The following AP4B1 variants were observed in gnomAD, a reference collection of about 807,000 sequenced individuals.
The protein encoded by AP4B1 is AP-4 complex subunit beta-1.
In AP4B1, 49 loss-of-function variants were observed where a neutral mutation model predicts 76.5. That is an observed-to-expected ratio of 0.64 (90% CI 0.51 to 0.81). The LOEUF is 0.81. Ranked by LOEUF, AP4B1 falls within the 40% of genes least tolerant of loss-of-function variation. AP4B1 has a pLI of 0.00. For synonymous variants in AP4B1, 330 were observed against 333.3 expected (o/e 0.99, Z 0.11); for missense variants, 911 against 904.9 (o/e 1.01, Z -0.09).
rs745380061 is a variant in AP4B1 at position 113,904,689 on chromosome 1, A to G, written c.29T>C (p.Val10Ala). 6 of 1,612,510 alleles carry G rather than the reference A, an allele frequency of 3.7e-6. No individual in the cohort carries two copies. The South Asian group carries it at 6.6e-5, about 18-fold the overall frequency. MPYLGSEDV[V>A]KELKKALCNP... ...GCACAGAGCCTTCTTCAGCTCCTTC[A>G]CCACGTCCTCGGAGCCAAGGTACGG... Residue 10 changes from valine to alanine, a missense_variant, in exon 1 of 10, where the codon GTG becomes GCG. Val to Ala is a moderately conservative substitution (Grantham distance 64, BLOSUM62 0). Coordinates refer to ENST00000369569, the MANE Select transcript of AP4B1 (RefSeq NM_001253852.3).
In AP4B1 at chr1:113,896,416, G is replaced by A. The variant is rs1425863708; in HGVS notation, c.1352C>T (p.Pro451Leu). The change falls in exon 8 of 10, where the codon CCT (proline) becomes CTT (leucine). Residue 451 changes from proline to leucine, a missense_variant. Pro to Leu is a moderately conservative substitution (Grantham distance 98). Coordinates refer to ENST00000369569, the MANE Select transcript of AP4B1 (RefSeq NM_001253852.3). ...GTCCTCTAACACATAAGGAGCATTAGGAATTCTTTCCCCATGGACACCAAG... is the reference window on the plus strand; with the variant it reads ...GTCCTCTAACACATAAGGAGCATTAAGAATTCTTTCCCCATGGACACCAAG... Reference protein sequence around the residue: ...WLLGVHGERIPNAPYVLEDFV... With the variant: ...WLLGVHGERILNAPYVLEDFV... 1 of 1,614,162 alleles carries A rather than the reference G, an allele frequency of 6.2e-7. No homozygotes were observed. The highest frequency in any genetic ancestry group is 1.7e-5 in the Admixed American group (1 of 60,018).
At position 113,896,345 on chromosome 1, in the gene AP4B1, C is replaced by A; in HGVS notation, c.1423G>T (p.Glu475Ter). ...AGGCGCAGCAAAGCAGTGAGCAGCT[C>A]CATCTTAACAGCTGGAAATGTTTCC... ...KSETFPAVKM[E>*]LLTALLRLFL... The change falls in exon 8 of 10, where the codon GAG (glutamate) becomes TAG (stop). Residue 475 changes from glutamate (E) to a stop codon, truncating the protein, a stop_gained. Coordinates refer to ENST00000369569, the MANE Select transcript of AP4B1 (RefSeq NM_001253852.3). LOFTEE classifies it high-confidence loss of function. 6.2e-7 allele frequency: 1 copy of A among 1,614,222 alleles called. No individual in the cohort carries two copies. Among genetic ancestry groups the A allele is most frequent in the Non-Finnish European group, 8.5e-7 (1 of 1,180,040 alleles).
upstream of AP4B1, chr1:113,904,819 G>A (rs1668769781): frequency 9.6e-7 from 1 of 1,045,710 alleles, no homozygotes; most frequent in African/African-American, 1.6e-5. Flanking sequence ...ATGAGTCAGT[G>A]AAAATACAAA....
intron 2 of AP4B1, chr1:113,902,213 G>A (rs1033267422): frequency 7.5e-6 from 3 of 398,986 alleles, no homozygotes; most frequent in South Asian, 2.1e-5. Context: ...TTAATTTTTT[G>A]TAGATATAGG....
chr1:113,896,881 C>A (rs1177723760), intron 7 of AP4B1: 1 of 227,758 alleles, frequency 4.4e-6, no homozygotes, highest in South Asian at 5.8e-5. Flanking sequence ...CGGTGGCTTA[C>A]GTCTGTAATC....
chr1:113,896,201 T>C, intron 8 of AP4B1, 57 bp downstream of exon 8: 3 of 1,606,946 alleles, frequency 1.9e-6, no homozygotes, highest in Non-Finnish European at 1.7e-6. Context: ...CAATGAAAGC[T>C]ATTAAGAATT....
rs1405004044 is a variant in AP4B1, at chr1:113,894,885, C to A, written c.*180G>T. The A allele has an allele frequency of 1.1e-5, 7 of 658,696 alleles. No homozygotes were observed. The highest frequency in any genetic ancestry group is 4.2e-4 in the Middle Eastern group (1 of 2,396). The allele number at this position is 658,696 out of a possible 1,614,324, so 40.8% of individuals were successfully genotyped here. On this transcript the variant is annotated 3_prime_UTR_variant, in exon 10 of 10. Transcript: ENST00000369569. Reference sequence around the variant, plus strand: ...CATCACTGAAAAATGGGGTCAATTGCCAATAGGAATGAAAGGAATGAATCA... The same window carrying A: ...CATCACTGAAAAATGGGGTCAATTGACAATAGGAATGAAAGGAATGAATCA...
At position 113,896,476 on chromosome 1, in the gene AP4B1, A is replaced by C. The variant is rs368931895; in HGVS notation, c.1303-11T>G. Reference sequence around the variant, plus strand: ...AAGTGCTTGCTTCCCCTAGAGAATAAAGGAATAAGAGCAAGTGCTCAACAC... The same window carrying C: ...AAGTGCTTGCTTCCCCTAGAGAATACAGGAATAAGAGCAAGTGCTCAACAC... On this transcript the variant is annotated splice_polypyrimidine_tract_variant and intron_variant, in intron 7 of 9. Coordinates refer to ENST00000369569, the MANE Select transcript of AP4B1 (RefSeq NM_001253852.3). The C allele has an allele frequency of 6.2e-7, 1 of 1,613,462 alleles. No homozygotes were observed. Among genetic ancestry groups the C allele is most frequent in the Non-Finnish European group, 8.5e-7 (1 of 1,179,348 alleles).
chr1:113,896,705 A>G (rs1299272048), intron 7 of AP4B1: 1 of 574,506 alleles, frequency 1.7e-6, no homozygotes, highest in Non-Finnish European at 3.1e-6. Context: ...TAAGCAATAA[A>G]TAAGGTTTCC....
In AP4B1 at chr1:113,902,129, TCCC is replaced by T. The variant is rs1348048280; in HGVS notation, c.339-247_339-245del. On this transcript the variant is annotated intron_variant, in intron 2 of 9. Transcript: ENST00000369569. ...ATCATAGCTCACTGCTGCCTTGAATTCCCGGGCCCAAGCCATCCTCCTGCCTCA... is the reference window on the plus strand; with the variant it reads ...ATCATAGCTCACTGCTGCCTTGAATTGGGCCCAAGCCATCCTCCTGCCTCA... 4 of 510,728 alleles carry T rather than the reference TCCC, an allele frequency of 7.8e-6. No homozygotes were observed. The Admixed American group carries it at 1.2e-4, about 15-fold the overall frequency. The allele number at this position is 510,728 out of a possible 1,614,324, so 31.6% of individuals were successfully genotyped here.
In AP4B1 at chr1:113,895,346, G is replaced by A; in HGVS notation, c.1939C>T (p.Pro647Ser). Residue 647 changes from proline (P) to serine (S), a missense_variant, in exon 10 of 10, where the codon CCT (proline) becomes TCT (serine). Pro to Ser is a moderately conservative substitution (Grantham distance 74). Coordinates refer to ENST00000369569, the MANE Select transcript of AP4B1 (RefSeq NM_001253852.3). Reference sequence around the variant, plus strand: ...TCAGGATGGAATTCTCCCCGCCAAGGCAACACTTGCTGATGAGCAACTTTA... The same window carrying A: ...TCAGGATGGAATTCTCCCCGCCAAGACAACACTTGCTGATGAGCAACTTTA... ...SLKVAHQQVL[P>S]WRGEFHPDTL... 6.2e-7 allele frequency: 1 copy of A among 1,614,144 alleles called. No individual in the cohort carries two copies. The highest frequency in any genetic ancestry group is 1.1e-5 in the South Asian group (1 of 91,080).
At position 113,904,522 on chromosome 1, in the gene AP4B1, C is replaced by G. The variant is rs1668721792; in HGVS notation, c.113+83G>C. ...ACTGCCACGTGTGAAAGCTAATTCA[C>G]CCTTTCAGAGAGACTGGGGCTAGTG... is the stretch of plus-strand genomic sequence containing the variant. On this transcript the variant is annotated intron_variant, in intron 1 of 9. Transcript: ENST00000369569. 2.2e-5 allele frequency: 29 copies of G among 1,308,994 alleles called. 1 individual carries two copies. In the South Asian group the frequency reaches 3.3e-4, roughly 15 times the overall value. 81.1% of individuals were successfully genotyped at this position (1,308,994 alleles called of 1,614,324 possible).
chr1:113,895,282 G>A lies in AP4B1; in HGVS notation c.2003C>T (p.Thr668Ile), dbSNP rs779808705. 6.2e-6 allele frequency: 10 copies of A among 1,614,196 alleles called. No homozygotes were observed. The highest frequency in any genetic ancestry group is 8.5e-6 in the Non-Finnish European group (10 of 1,180,028). ...QMALQVVNIQ[T>I]IAMSRAGSRP... ...AGACCCAGCCCTACTCATTGCGATG[G>A]TCTGGATGTTCACTACTTGAAGAGC... The change falls in exon 10 of 10, where the codon ACC becomes ATC. Residue 668 changes from threonine (T) to isoleucine (I), a missense_variant. Physicochemically the swap from Thr to Ile is moderately conservative, Grantham distance 89. Transcript: ENST00000369569.
intron 5 of AP4B1, 124 bp from the exon 6 acceptor site, chr1:113,898,925 A>C: frequency 1.0e-6 from 1 of 994,360 alleles, no homozygotes; most frequent in Non-Finnish European, 1.5e-6. Flanking sequence ...AAAGAAAAAA[A>C]TTCACTCCTT....
At chr1:113,899,105 C>T in intron 5 of AP4B1, 2 of 1,200,326 alleles carry the variant, frequency 1.7e-6, no homozygotes, top group Non-Finnish European at 2.1e-6. Context: ...ATATGAGGTA[C>T]CCTTTTTGTT....
At position 113,904,614 on chromosome 1, in the gene AP4B1, C is replaced by T. The variant is rs1030737194; in HGVS notation, c.104G>A (p.Arg35Gln). The T allele has an allele frequency of 5.6e-6, 9 of 1,613,912 alleles. No individual in the cohort carries two copies. Among genetic ancestry groups the T allele is most frequent in the Non-Finnish European group, 5.1e-6 (6 of 1,179,946 alleles). The change falls in exon 1 of 10, where the codon CGA becomes CAA. Residue 35 changes from arginine to glutamine, a missense_variant. Coordinates refer to ENST00000369569, the MANE Select transcript of AP4B1 (RefSeq NM_001253852.3). Reference protein sequence around the residue: ...DRLRYRNVIQRVIRYMTQGLD... With the variant: ...DRLRYRNVIQQVIRYMTQGLD... ...GGGAGGTAGGTGATACCTAATCACT[C>T]GCTGGATGACATTCCGGTAGCGCAG...
Position 113,901,801 on chromosome 1 carries a change from G to A in AP4B1, c.423C>T (p.Val141=). ...DKASYVRRVA[V]LGCAKMHNLH... ...GATTATGCATCTTGGCACATCCAAGGACTGCCACTCTCCTGACATATGAAG... is the reference window on the plus strand; with the variant it reads ...GATTATGCATCTTGGCACATCCAAGAACTGCCACTCTCCTGACATATGAAG... Residue 141 remains valine (V), a synonymous_variant, in exon 3 of 10, where the codon GTC becomes GTT. Transcript: ENST00000369569. 1 of 1,614,118 alleles carries A rather than the reference G, an allele frequency of 6.2e-7. No homozygotes were observed. Among genetic ancestry groups the A allele is most frequent in the Non-Finnish European group, 8.5e-7 (1 of 1,180,024 alleles).
At position 113,899,763 on chromosome 1, in the gene AP4B1, A is replaced by AGTCACT. The variant is rs1460403773; in HGVS notation, c.1114+135_1114+140dup. 1.6e-5 allele frequency: 21 copies of AGTCACT among 1,333,272 alleles called. No homozygotes were observed. The Admixed American group carries it at 3.3e-4, about 21-fold the overall frequency. 82.6% of individuals were successfully genotyped at this position (1,333,272 alleles called of 1,614,324 possible). A position where few individuals can be genotyped will look rare whatever the true frequency, so the allele number is the denominator to read the frequency against. On this transcript the variant is annotated intron_variant, in intron 5 of 9. Transcript: ENST00000369569. ...AAAAACTCTCTTCCCCCGTGTTTGT[A>AGTCACT]GTCACTGACCCAATTATTTAGTGCA...
chr1:113,902,914 A>G, intron 1 of AP4B1, 52 bp from the exon 2 acceptor site: 1 of 1,541,494 alleles, frequency 6.5e-7, no homozygotes, highest in Non-Finnish European at 8.9e-7. Flanking sequence ...CCCAACTTAC[A>G]ATGGAGGGAG....
Sources: gnomAD v4.1 joint callset for allele counts on GRCh38, gnomAD v4.1.1 for gene constraint, MANE v1.5 for transcripts, NCBI Gene and HGNC (gene_info 2026-07-23, HGNC 2026-07-21) for gene names.